Variants in ARL15 observed in about 807,000 individuals in gnomAD.
ARL15 encodes ARF like GTPase 15, also known as ADP-ribosylation factor-like protein 15.
ARL15 carries 19 observed loss-of-function variants against 25.2 expected under a neutral mutation model. The ratio of observed to expected loss-of-function variants is 0.75; its 90% CI spans 0.53 to 1.10. The LOEUF (loss-of-function observed/expected upper bound fraction) is 1.10. Ranked by LOEUF, ARL15 falls within the 50% of genes least tolerant of loss-of-function variation. ARL15 has a pLI of 0.00. For synonymous variants in ARL15, 94 were observed against 86.8 expected (o/e 1.08, Z -0.46); for missense variants, 220 against 246.0 (o/e 0.89, Z 0.71).
chr5:54,283,634 T>C (rs987417459), intron 1 of ARL15, among the ~76,000 whole-genome samples: 1 of 152,224 alleles, frequency 6.6e-6, no homozygotes, highest in Non-Finnish European at 1.5e-5. Context: ...CTCATTGCCT[T>C]GTCCAAGATC....
Position 54,191,619 on chromosome 5 carries a change from C to G in ARL15, c.49-19691G>C, listed in dbSNP as rs147500852. Among the ~76,000 whole-genome samples the G allele has an allele frequency of 8.3e-3, 1,259 of 152,198 alleles. 12 individuals are homozygous for G. The highest frequency in any genetic ancestry group is 0.023 in the African/African-American group (970 of 41,520). On this transcript the variant is annotated intron_variant, in intron 1 of 4. Transcript: ENST00000504924. ...CTCAGGCCAAAAACTCTAGAATAATCCTTGGCACCCCTTTTTCTCTCAAAC... is the reference window on the plus strand; with the variant it reads ...CTCAGGCCAAAAACTCTAGAATAATGCTTGGCACCCCTTTTTCTCTCAAAC...
intron 1 of ARL15, among the ~76,000 whole-genome samples, chr5:54,283,920 T>C (rs1431601324): frequency 6.6e-6 from 1 of 152,164 alleles, no homozygotes; most frequent in African/African-American, 2.4e-5. Context: ...CCTTTCCTAC[T>C]TCTTTTCCAG....
chr5:54,019,706 T>C (rs114437936), intron 4 of ARL15, among the ~76,000 whole-genome samples: 21 of 152,320 alleles, frequency 1.4e-4, no homozygotes, highest in African/African-American at 5.1e-4. Context: ...ATTCTAATGC[T>C]CATGCCAATG....
intron 4 of ARL15, among the ~76,000 whole-genome samples, chr5:54,111,604 T>C (rs1281461151): frequency 1.3e-5 from 2 of 152,112 alleles, no homozygotes; most frequent in Non-Finnish European, 2.9e-5. Context: ...AAATCTTTTT[T>C]CAGATATTGC....
At chr5:53,923,341 A>G (rs982265224) in intron 4 of ARL15, among the ~76,000 whole-genome samples, 3 of 152,204 alleles carry the variant, frequency 2.0e-5, no homozygotes, top group Non-Finnish European at 4.4e-5. Context: ...TTACATCTGC[A>G]TAAAATATGA....
At chr5:54,121,163 T>C (rs1260765650) in intron 3 of ARL15, among the ~76,000 whole-genome samples, 1 of 152,192 alleles carries the variant, frequency 6.6e-6, no homozygotes, top group African/African-American at 2.4e-5. Flanking sequence ...CTGTGACTAA[T>C]CAGACCTCAA....
intron 4 of ARL15, among the ~76,000 whole-genome samples, chr5:53,888,199 C>T (rs1744596033): frequency 6.6e-6 from 1 of 151,958 alleles, no homozygotes; most frequent in South Asian, 2.1e-4. Context: ...CAATTTTTTG[C>T]CCAAGGTGTT....
chr5:53,975,883 G>C (rs1561172502), intron 4 of ARL15, among the ~76,000 whole-genome samples: 1 of 152,080 alleles, frequency 6.6e-6, no homozygotes, highest in Non-Finnish European at 1.5e-5. Flanking sequence ...ATCTGGGTGT[G>C]TAGCTATAAT....
At chr5:54,070,833 T>A (rs1751396018) in intron 4 of ARL15, among the ~76,000 whole-genome samples, 1 of 151,586 alleles carries the variant, frequency 6.6e-6, no homozygotes, top group Non-Finnish European at 1.5e-5. Context: ...GGGTGACAGA[T>A]TGAGACTTTG....
chr5:53,987,417 C>A (rs973430607), intron 4 of ARL15, among the ~76,000 whole-genome samples: 1 of 151,702 alleles, frequency 6.6e-6, no homozygotes, highest in East Asian at 1.9e-4. Context: ...CACATGCATG[C>A]GCACAGGCCC....
intron 4 of ARL15, among the ~76,000 whole-genome samples, chr5:53,919,442 G>A (rs1404248507): frequency 6.6e-6 from 1 of 152,190 alleles, no homozygotes; most frequent in Non-Finnish European, 1.5e-5. Flanking sequence ...CCAGTGGAGT[G>A]CAGAGCAGTA....
intron 3 of ARL15, among the ~76,000 whole-genome samples, chr5:54,125,323 C>T (rs565739672): frequency 2.5e-4 from 38 of 152,146 alleles, no homozygotes; most frequent in Admixed American, 5.9e-4. Context: ...CGTGAGCCAC[C>T]GCGCCCAGCC....
chr5:54,123,311 A>G (rs1404868803), intron 3 of ARL15, among the ~76,000 whole-genome samples: 1 of 151,974 alleles, frequency 6.6e-6, no homozygotes, highest in Non-Finnish European at 1.5e-5. Flanking sequence ...GGGTTTCACC[A>G]TGTTGGCCAG....
intron 4 of ARL15, among the ~76,000 whole-genome samples, chr5:53,938,962 G>C (rs1452439771): frequency 6.6e-6 from 1 of 152,188 alleles, no homozygotes; most frequent in East Asian, 1.9e-4. Flanking sequence ...ATAAAATTAC[G>C]CTAAAATCCT....
chr5:54,198,778 C>T (rs1755630715), intron 1 of ARL15, among the ~76,000 whole-genome samples: 1 of 151,010 alleles, frequency 6.6e-6, no homozygotes. Flanking sequence ...ACTTTCTTCA[C>T]AGAATTGGAA....
Position 54,290,304 on chromosome 5 carries a change from C to CT in ARL15, c.48+20127dup, listed in dbSNP as rs34445601. Among the ~76,000 whole-genome samples the CT allele has an allele frequency of 5.9e-3, 830 of 139,994 alleles. 8 individuals are homozygous for CT. The highest frequency in any genetic ancestry group is 0.016 in the African/African-American group (616 of 38,020). The allele number at this position is 139,994 out of a possible 152,430, so 91.8% of individuals were successfully genotyped here. A position where few individuals can be genotyped will look rare whatever the true frequency, so the allele number is the denominator to read the frequency against. Reference sequence around the variant, plus strand: ...AAGATTATATCAACTATCACTCAACCTTTTTTTTTTTTTTTTTGAGGTAGA... The same window carrying CT: ...AAGATTATATCAACTATCACTCAACCTTTTTTTTTTTTTTTTTTGAGGTAGA... On this transcript the variant is annotated intron_variant, in intron 1 of 4. Coordinates refer to ENST00000504924, the MANE Select transcript of ARL15 (RefSeq NM_019087.3).
chr5:54,083,005 T>C (rs549350981), intron 4 of ARL15, among the ~76,000 whole-genome samples: 2 of 152,312 alleles, frequency 1.3e-5, no homozygotes, highest in South Asian at 2.1e-4. Context: ...CGAATCTTCA[T>C]ATTTTAGAGT....
At chr5:54,056,749 T>C (rs760545817) in intron 4 of ARL15, among the ~76,000 whole-genome samples, 12 of 151,916 alleles carry the variant, frequency 7.9e-5, no homozygotes, top group Non-Finnish European at 1.5e-4. Flanking sequence ...GATGGAATAA[T>C]CACATACTAT....
At chr5:54,298,568 G>C (rs989338655) in intron 1 of ARL15, among the ~76,000 whole-genome samples, 2 of 151,958 alleles carry the variant, frequency 1.3e-5, no homozygotes, top group Non-Finnish European at 2.9e-5. Flanking sequence ...TCCAGTTCCA[G>C]CCCTTTCTCT....
Sources: allele counts gnomAD v4.1 joint callset (sites outside exome capture counted in the v4.1 genomes callset), GRCh38; gene constraint gnomAD v4.1.1; transcripts MANE v1.5; gene names NCBI Gene and HGNC (gene_info 2026-07-23, HGNC 2026-07-21).